Variants in PRKAR1A observed in about 807,000 individuals in gnomAD.
The protein encoded by PRKAR1A is protein kinase cAMP-dependent type I regulatory subunit alpha, also known as cAMP-dependent protein kinase type I-alpha regulatory subunit.
In PRKAR1A, 3 loss-of-function variants were observed where a neutral mutation model predicts 52.0. The ratio of observed to expected loss-of-function variants is 0.06; its 90% confidence interval spans 0.03 to 0.15. The LOEUF (loss-of-function observed/expected upper bound fraction) is 0.15. Ranked by LOEUF, PRKAR1A falls within the 10% of genes least tolerant of loss-of-function variation. The probability of loss-of-function intolerance (pLI) is 1.00; values close to 1 mark genes in which losing one functional copy is unlikely to be tolerated. For synonymous variants in PRKAR1A, 188 were observed against 168.4 expected, an observed-to-expected ratio of 1.12 and a Z score of -0.90; for missense variants, 240 against 477.4, an observed-to-expected ratio of 0.50 and a Z score of 4.63.
chr17:68,457,479 C>A, the PRKAR1A span: 1 of 1,349,368 alleles, frequency 7.4e-7, no homozygotes. Flanking sequence ...CTCAGCAGCC[C>A]GCCCGCGCCG....
chr17:68,543,453 T>C (rs2143521711), intron 11 of PRKAR1A, among the ~76,000 whole-genome samples: 1 of 152,270 alleles, frequency 6.6e-6, no homozygotes, highest in South Asian at 2.1e-4. Context: ...TGTTTTTCAA[T>C]CTGGGGGGTT....
chr17:68,488,799 T>C, the PRKAR1A span, among the ~76,000 whole-genome samples: 1 of 149,750 alleles, frequency 6.7e-6, no homozygotes, highest in East Asian at 2.0e-4. Flanking sequence ...CTCTGCCACA[T>C]GGTTCTATAA....
the PRKAR1A span, chr17:68,436,614 T>C: frequency 1.4e-6 from 1 of 713,126 alleles, no homozygotes; most frequent in Non-Finnish European, 2.3e-6. Context: ...AGACAACTGC[T>C]TTCCGCTGAT....
At chr17:68,530,241 A>C (rs756017982) in intron 10 of PRKAR1A, 36 bp from the exon 11 acceptor site, 1 of 1,610,624 alleles carries the variant, frequency 6.2e-7, no homozygotes, top group Admixed American at 1.7e-5. Context: ...TGTTTTTCAT[A>C]GAAGTTAGCC....
chr17:68,530,094 A>C, intron 10 of PRKAR1A, 93 bp downstream of exon 10: 1 of 1,519,520 alleles, frequency 6.6e-7, no homozygotes, highest in Non-Finnish European at 9.1e-7. Context: ...TCTTCTCCTG[A>C]ATTTTATTTT....
chr17:68,429,001 G>A, the PRKAR1A span: 3 of 1,248,754 alleles, frequency 2.4e-6, no homozygotes, highest in Non-Finnish European at 3.4e-6. Flanking sequence ...CGCTTCCAAT[G>A]ACAAAGCCCC....
chr17:68,447,758 C>T, the PRKAR1A span, among the ~76,000 whole-genome samples: 13 of 152,004 alleles, frequency 8.6e-5, no homozygotes, highest in South Asian at 2.1e-4. Flanking sequence ...TTTGGGAGGC[C>T]GAGGTGGGTG....
chr17:68,510,166 A>C (rs1427553201), upstream of PRKAR1A, among the ~76,000 whole-genome samples: 8 of 149,552 alleles, frequency 5.3e-5, no homozygotes, highest in Non-Finnish European at 1.2e-4. Context: ...AGACAGAGAG[A>C]GAGAGAGAGA....
chr17:68,430,606 G>A, the PRKAR1A span, among the ~76,000 whole-genome samples: 9 of 152,270 alleles, frequency 5.9e-5, no homozygotes, highest in East Asian at 1.9e-4. Flanking sequence ...GCAAACCTCC[G>A]GGCAAGACAC....
In PRKAR1A at chr17:68,531,799, T is replaced by A. The variant is rs942476230; in HGVS notation, c.*1350T>A. On this transcript the variant is annotated 3_prime_UTR_variant, in exon 11 of 11. Transcript: ENST00000589228. The stretch of plus-strand genomic sequence containing the variant: ...CTTATGTGTTACATTATTCCAATGA[T>A]ACCCAACAGTTTATTTTTATTATTT... The A allele has an allele frequency of 1.9e-6, 2 of 1,031,788 alleles. No individual in the cohort carries two copies. Among genetic ancestry groups the A allele is most frequent in the Non-Finnish European group, 1.2e-6 (1 of 848,328 alleles). 63.9% of individuals were successfully genotyped at this position (1,031,788 alleles called of 1,614,324 possible).
the PRKAR1A span, among the ~76,000 whole-genome samples, chr17:68,496,093 G>C: frequency 2.3e-5 from 2 of 88,820 alleles, no homozygotes; most frequent in Non-Finnish European, 4.7e-5. Flanking sequence ...CCAGGCTGGA[G>C]TGCAGTGGCG....
At chr17:68,477,561 A>G in the PRKAR1A span, among the ~76,000 whole-genome samples, 2 of 152,036 alleles carry the variant, frequency 1.3e-5, no homozygotes, top group Non-Finnish European at 2.9e-5. Flanking sequence ...GTGTGTACTT[A>G]TTTCCATATT....
At chr17:68,483,761 T>C in the PRKAR1A span, among the ~76,000 whole-genome samples, 3 of 151,876 alleles carry the variant, frequency 2.0e-5, no homozygotes, top group African/African-American at 7.2e-5. Context: ...CTTGGGAGGC[T>C]GAGGCAGGAG....
At chr17:68,429,856 C>T in the PRKAR1A span, 952,769 of 1,227,660 alleles carry the variant, frequency 0.78, 370,652 homozygotes, top group Admixed American at 0.83. Flanking sequence ...CCCAAGGTTC[C>T]GGGATTACAG....
chr17:68,514,470 TAAGG>T (rs1271885546), intron 1 of PRKAR1A, among the ~76,000 whole-genome samples: 1 of 152,212 alleles, frequency 6.6e-6, no homozygotes, highest in Admixed American at 6.5e-5. Flanking sequence ...AATTCTAGGG[TAAGG>T]TTAGCTGCTC....
chr17:68,543,387 C>T (rs1254669347), intron 11 of PRKAR1A, among the ~76,000 whole-genome samples: 2 of 152,082 alleles, frequency 1.3e-5, no homozygotes, highest in Admixed American at 6.5e-5. Context: ...AGCAGCATGG[C>T]GGGAAGCGTG....
At chr17:68,497,785 C>T in the PRKAR1A span, among the ~76,000 whole-genome samples, 3 of 152,136 alleles carry the variant, frequency 2.0e-5, no homozygotes. Context: ...AGGTTGACTC[C>T]TGAGCTGTTG....
chr17:68,453,143 C>A, the PRKAR1A span: 4 of 550,092 alleles, frequency 7.3e-6, no homozygotes, highest in Admixed American at 3.2e-5. Flanking sequence ...TAAATGGTGA[C>A]GCATGTCTTG....
the PRKAR1A span, among the ~76,000 whole-genome samples, chr17:68,439,956 G>A: frequency 6.6e-6 from 1 of 152,228 alleles, no homozygotes; most frequent in African/African-American, 2.4e-5. Context: ...ACCTCCAGCT[G>A]TGCTTCAGAG....
Sources: allele counts gnomAD v4.1 joint callset (sites outside exome capture counted in the v4.1 genomes callset), GRCh38; gene constraint gnomAD v4.1.1; transcripts MANE v1.5; gene names NCBI Gene and HGNC (gene_info 2026-07-23, HGNC 2026-07-21).